The following INPP5D variants were observed in gnomAD, a reference collection of about 807,000 sequenced individuals.
INPP5D encodes inositol polyphosphate-5-phosphatase D, also known as phosphatidylinositol 3,4,5-trisphosphate 5-phosphatase 1.
INPP5D carries 33 observed loss-of-function variants against 122.9 expected under a neutral mutation model. The ratio of observed to expected loss-of-function variants is 0.27; its 90% CI spans 0.20 to 0.36. The LOEUF is 0.36. Ranked by LOEUF, INPP5D falls within the 10% of genes least tolerant of loss-of-function variation. INPP5D has a pLI of 1.00. For missense variants in INPP5D, 1,053 were observed against 1,412.7 expected, an observed-to-expected ratio of 0.75 and a Z score of 4.08; for synonymous variants, 584 against 576.2, an observed-to-expected ratio of 1.01 and a Z score of -0.19.
At chr2:233,146,621 C>A (rs1693768129) in intron 8 of INPP5D, among the ~76,000 whole-genome samples, 183 bp downstream of exon 8, 1 of 152,214 alleles carries the variant, frequency 6.6e-6, no homozygotes, top group African/African-American at 2.4e-5. Context: ...TCAGAACGGG[C>A]ACCCAGAGAC....
At chr2:233,073,936 T>C (rs186170059) in intron 1 of INPP5D, among the ~76,000 whole-genome samples, 5 of 152,310 alleles carry the variant, frequency 3.3e-5, no homozygotes, top group African/African-American at 9.6e-5. Flanking sequence ...ATCCCTCCAA[T>C]TTCTGATATG....
At chr2:233,138,539 C>T (rs1355400672) in intron 5 of INPP5D, among the ~76,000 whole-genome samples, 1 of 151,978 alleles carries the variant, frequency 6.6e-6, no homozygotes, top group Non-Finnish European at 1.5e-5. Flanking sequence ...AATGTTATGT[C>T]CCTTAAAAGA....
intron 2 of INPP5D, among the ~76,000 whole-genome samples, chr2:233,091,146 T>C (rs1691982441): frequency 1.3e-5 from 2 of 152,170 alleles, no homozygotes; most frequent in South Asian, 4.1e-4. Context: ...TGCTTGGGAC[T>C]CCGTCCCTCA....
At chr2:233,145,399 C>T (rs1229497634) in intron 6 of INPP5D, 1 of 447,722 alleles carries the variant, frequency 2.2e-6, no homozygotes, top group East Asian at 7.0e-5. Flanking sequence ...TCCTCTTGAT[C>T]TCCATTCTCA....
chr2:233,066,630 A>T (rs1207267558), intron 1 of INPP5D, among the ~76,000 whole-genome samples: 6 of 152,026 alleles, frequency 3.9e-5, no homozygotes, highest in Admixed American at 2.6e-4. Context: ...TTTTTCCAAG[A>T]CAGTCTTGCT....
At chr2:233,191,222 G>A (rs866208009) in intron 22 of INPP5D, among the ~76,000 whole-genome samples, 37 of 152,220 alleles carry the variant, frequency 2.4e-4, no homozygotes, top group Admixed American at 6.5e-5. Context: ...GGAAGGAGAA[G>A]TGGGTGCCCA....
At chr2:233,185,979 T>C (rs1694903498) in intron 21 of INPP5D, 54 bp downstream of exon 21, 1 of 1,518,996 alleles carries the variant, frequency 6.6e-7, no homozygotes, top group African/African-American at 1.4e-5. Context: ...ACTAGGCCAG[T>C]AGTACCAGCC....
At chr2:233,185,326 T>C (rs1303509579) in intron 20 of INPP5D, among the ~76,000 whole-genome samples, 1 of 152,154 alleles carries the variant, frequency 6.6e-6, no homozygotes, top group East Asian at 1.9e-4. Context: ...AGAGCGGCCT[T>C]TGTCACTGAG....
At chr2:233,144,451 AGTGATG>A (rs1363685299) in intron 6 of INPP5D, among the ~76,000 whole-genome samples, 3 of 57,128 alleles carry the variant, frequency 5.3e-5, no homozygotes, top group African/African-American at 2.7e-4. Flanking sequence ...AGGTGGTGGT[AGTGATG>A]GTGATGGTGG....
intron 1 of INPP5D, among the ~76,000 whole-genome samples, 184 bp downstream of exon 1, chr2:233,060,796 G>T (rs1474160594): frequency 6.6e-6 from 1 of 152,218 alleles, no homozygotes; most frequent in Non-Finnish European, 1.5e-5. Context: ...AGGTTTTGCA[G>T]CCTTGGAGCT....
At chr2:233,169,472 C>T in intron 14 of INPP5D, 71 bp downstream of exon 14, 1 of 1,544,496 alleles carries the variant, frequency 6.5e-7, no homozygotes, top group East Asian at 2.4e-5. Context: ...CACCTTTAAG[C>T]ACCAGAAGGA....
chr2:233,098,615 T>C lies in INPP5D; in HGVS notation c.198+19217T>C, dbSNP rs554933034. On this transcript the variant is annotated intron_variant, in intron 2 of 26. Transcript: ENST00000445964. ...AACTGTTTGAAAAACCAGGCAGGTC[T>C]CTCTTGAGGTTTCTTCAGGCCAAAC... 1.5e-4 allele frequency among the ~76,000 whole-genome samples: 23 copies of C among 152,286 alleles called. 1 individual carries two copies. The highest frequency in any genetic ancestry group is 5.5e-4 in the African/African-American group (23 of 41,564).
intron 22 of INPP5D, among the ~76,000 whole-genome samples, chr2:233,192,231 C>T (rs1015506254): frequency 1.2e-4 from 19 of 152,190 alleles, no homozygotes; most frequent in African/African-American, 2.4e-4. Context: ...ACAGGCAGTA[C>T]GCAAAACACA....
chr2:233,204,371 C>T lies in INPP5D; in HGVS notation c.3221C>T (p.Pro1074Leu), dbSNP rs747339223. The T allele has an allele frequency of 1.2e-6, 2 of 1,610,152 alleles. No individual in the cohort carries two copies. Among genetic ancestry groups the T allele is most frequent in the Non-Finnish European group, 8.5e-7 (1 of 1,178,336 alleles). Residue 1074 changes from proline (P) to leucine (L), a missense_variant, in exon 26 of 27, where the codon CCC becomes CTC. Physicochemically the swap from Pro to Leu is moderately conservative, Grantham distance 98. Transcript: ENST00000445964. ...KAQEADRGEG[P>L]GKQVPAPRLR... Reference sequence around the variant, plus strand: ...CAGGAGGCTGATCGCGGCGAGGGGCCCGGCAAGCAGGTGCCCGCGCCCCGG... The same window carrying T: ...CAGGAGGCTGATCGCGGCGAGGGGCTCGGCAAGCAGGTGCCCGCGCCCCGG...
chr2:233,095,060 G>A (rs74775430), intron 2 of INPP5D, among the ~76,000 whole-genome samples: 5,048 of 152,292 alleles, frequency 0.033, 129 homozygotes, highest in Non-Finnish European at 0.045. Context: ...TAACCATGAT[G>A]AAGAGGGAAC....
At chr2:233,200,790 C>G (rs187629041) in intron 25 of INPP5D, among the ~76,000 whole-genome samples, 94 of 152,150 alleles carry the variant, frequency 6.2e-4, no homozygotes, top group African/African-American at 2.2e-3. Flanking sequence ...GAAACCCCAT[C>G]TCTACTAAAA....
At chr2:233,088,079 G>C (rs1304745684) in intron 2 of INPP5D, among the ~76,000 whole-genome samples, 1 of 152,050 alleles carries the variant, frequency 6.6e-6, no homozygotes, top group Non-Finnish European at 1.5e-5. Context: ...GGATTCAAGC[G>C]ATTCTCCTGC....
rs1402492402 is a variant in INPP5D, at chr2:233,164,385, T to G, written c.1516T>G (p.Cys506Gly). ...GCACGAGAACCGGATCAGCCACATC[T>G]GTACTGACAACGTGAAGACAGGCAT... ...PEHENRISHI[C>G]TDNVKTGIAN... Residue 506 changes from cysteine to glycine, a missense_variant, in exon 13 of 27, where the codon TGT (cysteine) becomes GGT (glycine). Cys to Gly is a radical substitution (Grantham distance 159). Around this residue, in one of 6 missense-constraint regions of INPP5D, gnomAD observed 105 missense variants for 199.8 expected, o/e 0.53. Transcript: ENST00000445964. The surrounding 1 kb of genome is among the most constrained non-coding windows in gnomAD (Gnocchi z 4.3). 1 of 1,552,886 alleles carries G rather than the reference T, an allele frequency of 6.4e-7. No individual in the cohort carries two copies. The highest frequency in any genetic ancestry group is 8.7e-7 in the Non-Finnish European group (1 of 1,147,648).
chr2:233,186,048 C>A, intron 21 of INPP5D, 123 bp downstream of exon 21: 1 of 1,295,196 alleles, frequency 7.7e-7, no homozygotes, highest in East Asian at 2.9e-5. Context: ...AGACCAAATG[C>A]AGAAAGAGAC....
Sources: gnomAD v4.1 joint callset for allele counts (sites outside exome capture counted in the v4.1 genomes callset) on GRCh38, gnomAD v4.1.1 for gene constraint, gnomAD v4.1.1 regional missense constraint, Gnocchi (gnomAD v3.1) non-coding constraint, MANE v1.5 for transcripts, NCBI Gene and HGNC (gene_info 2026-07-23, HGNC 2026-07-21) for gene names.